Variants in FRMD3 observed in about 807,000 individuals in gnomAD.
FRMD3 encodes FERM domain-containing protein 3.
FRMD3 carries 33 observed loss-of-function variants against 70.2 expected under a neutral mutation model. The ratio of observed to expected loss-of-function variants is 0.47; its 90% CI spans 0.36 to 0.63. The LOEUF (loss-of-function observed/expected upper bound fraction) is 0.63. Ranked by LOEUF, FRMD3 falls within the 20% of genes least tolerant of loss-of-function variation. The probability of loss-of-function intolerance (pLI) is 0.00; values close to 1 mark genes in which losing one functional copy is unlikely to be tolerated. For missense variants in FRMD3, 632 were observed against 711.4 expected, an observed-to-expected ratio of 0.89 and a Z score of 1.27; for synonymous variants, 279 against 255.9, an observed-to-expected ratio of 1.09 and a Z score of -0.86.
At chr9:83,369,062 C>T (rs1446897185) in intron 3 of FRMD3, among the ~76,000 whole-genome samples, 1 of 152,024 alleles carries the variant, frequency 6.6e-6, no homozygotes, top group Non-Finnish European at 1.5e-5. Context: ...ACCATGTTGG[C>T]CAGGATGGTC....
intron 1 of FRMD3, among the ~76,000 whole-genome samples, chr9:83,463,220 T>C (rs1485725039): frequency 6.6e-6 from 1 of 152,212 alleles, no homozygotes; most frequent in African/African-American, 2.4e-5. Context: ...ATATTCAGGA[T>C]TCCTTGTTGG....
chr9:83,561,577 T>G, the FRMD3 span, among the ~76,000 whole-genome samples: 226 of 152,306 alleles, frequency 1.5e-3, 3 homozygotes, highest in East Asian at 0.033. Flanking sequence ...TTATTCTACA[T>G]GATGATCACA....
chr9:83,437,856 G>A (rs1827181307), intron 1 of FRMD3, among the ~76,000 whole-genome samples: 1 of 152,182 alleles, frequency 6.6e-6, no homozygotes, highest in East Asian at 1.9e-4. Flanking sequence ...CATATTAGAA[G>A]AACATGCGCG....
intron 1 of FRMD3, among the ~76,000 whole-genome samples, chr9:83,478,783 T>C (rs1161512252): frequency 6.6e-6 from 1 of 152,138 alleles, no homozygotes; most frequent in South Asian, 2.1e-4. Context: ...CAAAATGTGG[T>C]ATACACATAC....
In FRMD3 at chr9:83,265,395, T is replaced by TAAA. The variant is rs59688591; in HGVS notation, c.1196-16882_1196-16880dup. On this transcript the variant is annotated intron_variant, in intron 13 of 13. Transcript: ENST00000304195. Reference sequence around the variant, plus strand: ...AGCCTGGGCAACAGAGCGAGACTCTTAAAAAAAAAAAAAAAAAAAAAAAAG... The same window carrying TAAA: ...AGCCTGGGCAACAGAGCGAGACTCTTAAAAAAAAAAAAAAAAAAAAAAAAAAAG... 5.0e-3 allele frequency among the ~76,000 whole-genome samples: 384 copies of TAAA among 77,376 alleles called. 6 individuals are homozygous for TAAA. Among genetic ancestry groups the TAAA allele is most frequent in the Non-Finnish European group, 7.1e-3 (284 of 39,792 alleles). The allele number at this position is 77,376 out of a possible 152,430, so 50.8% of individuals were successfully genotyped here.
the FRMD3 span, among the ~76,000 whole-genome samples, chr9:83,580,450 T>C: frequency 6.6e-6 from 1 of 152,122 alleles, no homozygotes; most frequent in Non-Finnish European, 1.5e-5. Context: ...AAGGCAATTC[T>C]GTCACTTGAA....
At chr9:83,582,111 C>T in the FRMD3 span, among the ~76,000 whole-genome samples, 3 of 152,054 alleles carry the variant, frequency 2.0e-5, no homozygotes, top group South Asian at 4.2e-4. Context: ...CTCACTCTGT[C>T]ACCCCAGCTG....
At chr9:83,361,046 C>T (rs1824566783) in intron 3 of FRMD3, among the ~76,000 whole-genome samples, 2 of 152,182 alleles carry the variant, frequency 1.3e-5, no homozygotes. Context: ...GGTAAGCAAA[C>T]AGGTGTCCAA....
intron 1 of FRMD3, among the ~76,000 whole-genome samples, chr9:83,513,696 C>T (rs555620477): frequency 1.4e-4 from 21 of 152,198 alleles, no homozygotes; most frequent in African/African-American, 3.4e-4. Flanking sequence ...GGAACAGCTC[C>T]GGTCTGCAGC....
chr9:83,540,020 T>C (rs1197827205), upstream of FRMD3, among the ~76,000 whole-genome samples: 2 of 152,188 alleles, frequency 1.3e-5, no homozygotes, highest in African/African-American at 4.8e-5. Flanking sequence ...CCTGGGGATC[T>C]TTGAAAAGTC....
intron 13 of FRMD3, chr9:83,267,322 G>T: frequency 7.0e-7 from 1 of 1,422,528 alleles, no homozygotes; most frequent in Non-Finnish European, 9.2e-7. Context: ...GGAGGGAGGG[G>T]ACGCTATTTT....
intron 3 of FRMD3, among the ~76,000 whole-genome samples, chr9:83,368,988 G>C (rs1824881013): frequency 6.6e-6 from 1 of 152,034 alleles, no homozygotes; most frequent in Admixed American, 6.6e-5. Context: ...CCGAGGAGCT[G>C]GGATTACAGG....
the FRMD3 span, among the ~76,000 whole-genome samples, chr9:83,557,912 T>C: frequency 6.6e-6 from 1 of 152,358 alleles, no homozygotes; most frequent in African/African-American, 2.4e-5. Flanking sequence ...AGCTCTCATA[T>C]GTAAATGTTT....
the FRMD3 span, among the ~76,000 whole-genome samples, chr9:83,565,737 A>G: frequency 6.6e-6 from 1 of 152,236 alleles, no homozygotes; most frequent in Admixed American, 6.5e-5. Flanking sequence ...CCTTCCAAAT[A>G]AAAATAATAA....
At chr9:83,293,144 C>T (rs1418142212) in intron 12 of FRMD3, among the ~76,000 whole-genome samples, 1 of 151,902 alleles carries the variant, frequency 6.6e-6, no homozygotes, top group African/African-American at 2.4e-5. Context: ...AGGGAAAGAA[C>T]CGTAGATAGA....
intron 6 of FRMD3, among the ~76,000 whole-genome samples, chr9:83,317,785 C>A (rs879857268): frequency 6.6e-6 from 1 of 152,078 alleles, no homozygotes; most frequent in Non-Finnish European, 1.5e-5. Context: ...CTACACAGCC[C>A]CTGAGGACAC....
intron 2 of FRMD3, among the ~76,000 whole-genome samples, chr9:83,381,236 G>GT (rs1335272119): frequency 6.6e-6 from 1 of 152,140 alleles, no homozygotes; most frequent in African/African-American, 2.4e-5. Flanking sequence ...GCTCAAAAAT[G>GT]TTTTTCCATT....
chr9:83,305,774 G>C (rs750013902), intron 10 of FRMD3, among the ~76,000 whole-genome samples: 1 of 152,182 alleles, frequency 6.6e-6, no homozygotes, highest in East Asian at 1.9e-4. Context: ...TTTAGAAGTC[G>C]AATGAGATGA....
At chr9:83,342,640 A>G (rs1425644579) in intron 5 of FRMD3, among the ~76,000 whole-genome samples, 1 of 152,204 alleles carries the variant, frequency 6.6e-6, no homozygotes, top group Non-Finnish European at 1.5e-5. Context: ...GTACGTATGT[A>G]TACACATACA....
Sources: gnomAD v4.1 joint callset for allele counts (sites outside exome capture counted in the v4.1 genomes callset) on GRCh38, gnomAD v4.1.1 for gene constraint, MANE v1.5 for transcripts, NCBI Gene and HGNC (gene_info 2026-07-23, HGNC 2026-07-21) for gene names.